STPG2: variants seen among roughly 807,000 people sequenced by gnomAD.
STPG2 encodes the protein sperm-tail PG-rich repeat-containing protein 2.
A neutral mutation model predicts 54.2 loss-of-function variants in STPG2; 56 were observed. That is an observed-to-expected ratio of 1.03 (90% CI 0.83 to 1.29). STPG2 has a LOEUF of 1.29. Ranked by LOEUF, STPG2 falls within the 50% of genes most tolerant of loss-of-function variation. The pLI, the probability that STPG2 is intolerant of heterozygous loss-of-function variation, is 0.00. For synonymous variants in STPG2, 200 were observed against 181.8 expected, an observed-to-expected ratio of 1.10 and a Z score of -0.81; for missense variants, 596 against 544.9, an observed-to-expected ratio of 1.09 and a Z score of -0.93.
chr4:97,769,834 A>G (rs1392452901), intron 9 of STPG2, among the ~76,000 whole-genome samples: 1 of 152,192 alleles, frequency 6.6e-6, no homozygotes, highest in Non-Finnish European at 1.5e-5. Flanking sequence ...GGATATGGAA[A>G]TGAACTAACC....
At chr4:97,977,766 C>T (rs769012165) in intron 6 of STPG2, among the ~76,000 whole-genome samples, 28 of 152,110 alleles carry the variant, frequency 1.8e-4, no homozygotes, top group African/African-American at 4.8e-4. Context: ...AACAATTATA[C>T]GAAGTGTATT....
chr4:97,953,651 C>T (rs1171118001), intron 7 of STPG2, among the ~76,000 whole-genome samples: 1 of 152,238 alleles, frequency 6.6e-6, no homozygotes, highest in African/African-American at 2.4e-5. Context: ...TTCCCCATTG[C>T]TCCTTAAATC....
At chr4:98,141,953 A>AAAC (rs1230036946) in intron 1 of STPG2, among the ~76,000 whole-genome samples, 1 of 151,676 alleles carries the variant, frequency 6.6e-6, no homozygotes, top group African/African-American at 2.4e-5. Flanking sequence ...AAAAAAAAAA[A>AAAC]AAAAAAAAAC....
chr4:97,861,507 A>C (rs941280531), intron 8 of STPG2, among the ~76,000 whole-genome samples: 2 of 152,118 alleles, frequency 1.3e-5, no homozygotes, highest in Non-Finnish European at 2.9e-5. Flanking sequence ...ATACCCATGT[A>C]ACCAAAAGAA....
intron 10 of STPG2, among the ~76,000 whole-genome samples, chr4:97,649,486 G>A (rs1459975519): frequency 6.6e-6 from 1 of 152,126 alleles, no homozygotes; most frequent in African/African-American, 2.4e-5. Context: ...TTAGAGGTAT[G>A]TAAAAGAGAT....
intron 9 of STPG2, among the ~76,000 whole-genome samples, chr4:97,756,939 C>T (rs1380615614): frequency 6.6e-6 from 1 of 152,078 alleles, no homozygotes; most frequent in Non-Finnish European, 1.5e-5. Flanking sequence ...CCCCTCTTTG[C>T]TATCAGCAAG....
chr4:97,736,049 G>C lies in STPG2; in HGVS notation c.1205-23235C>G, dbSNP rs534634687. Among the ~76,000 whole-genome samples, 6 of 152,308 alleles carry C rather than the reference G, an allele frequency of 3.9e-5. No homozygotes were observed. In the South Asian group the frequency reaches 8.3e-4, roughly 21 times the overall value. Reference sequence around the variant, plus strand: ...CCAAAAAGATAAAAGGTATGTGTTAGTGAGGGTGTGCAGAAAGGAGAACCC... The same window carrying C: ...CCAAAAAGATAAAAGGTATGTGTTACTGAGGGTGTGCAGAAAGGAGAACCC... On this transcript the variant is annotated intron_variant, in intron 9 of 10. Transcript: ENST00000295268.
chr4:98,015,606 G>C (rs532176296), intron 5 of STPG2, among the ~76,000 whole-genome samples: 42 of 152,288 alleles, frequency 2.8e-4, no homozygotes, highest in African/African-American at 9.6e-4. Flanking sequence ...TACACTGCTG[G>C]TGGGAGTGTA....
intron 8 of STPG2, among the ~76,000 whole-genome samples, chr4:97,918,793 A>C (rs1731985055): frequency 6.6e-6 from 1 of 152,122 alleles, no homozygotes; most frequent in Non-Finnish European, 1.5e-5. Context: ...CAAATGATAT[A>C]ATGAACTCTG....
chr4:98,126,494 G>A (rs1176058556), intron 3 of STPG2, among the ~76,000 whole-genome samples: 1 of 152,182 alleles, frequency 6.6e-6, no homozygotes, highest in Admixed American at 6.5e-5. Context: ...GGCTAGGGAA[G>A]GGAGCTCCCC....
chr4:97,785,753 A>G (rs1291571453), intron 9 of STPG2, among the ~76,000 whole-genome samples: 1 of 152,132 alleles, frequency 6.6e-6, no homozygotes, highest in Non-Finnish European at 1.5e-5. Context: ...TTTAGGTTAT[A>G]GAAATACTTT....
chr4:97,444,381 T>C (rs1465707244), intron 4 of STPG2, among the ~76,000 whole-genome samples: 1 of 152,032 alleles, frequency 6.6e-6, no homozygotes, highest in African/African-American at 2.4e-5. Flanking sequence ...TTTTAACGCA[T>C]AAAAAAGTTG....
intron 5 of STPG2, among the ~76,000 whole-genome samples, chr4:98,000,473 T>C (rs1735379831): frequency 6.6e-6 from 1 of 151,854 alleles, no homozygotes; most frequent in African/African-American, 2.4e-5. Context: ...TGATCTAACC[T>C]CATGATTGAT....
chr4:97,902,730 G>C (rs150404743), intron 8 of STPG2, among the ~76,000 whole-genome samples: 72 of 152,220 alleles, frequency 4.7e-4, no homozygotes, highest in African/African-American at 1.6e-3. Context: ...ATGGAAAACA[G>C]TATAGAGGCT....
intron 5 of STPG2, among the ~76,000 whole-genome samples, chr4:98,035,487 C>T (rs1212714689): frequency 6.6e-6 from 1 of 152,120 alleles, no homozygotes; most frequent in African/African-American, 2.4e-5. Context: ...AACGCTCTTC[C>T]ACTGTTGGTG....
intron 4 of STPG2, among the ~76,000 whole-genome samples, chr4:97,543,669 T>C (rs563499394): frequency 4.6e-5 from 7 of 152,146 alleles, no homozygotes; most frequent in Non-Finnish European, 8.8e-5. Flanking sequence ...AAATTATGTA[T>C]GATTTACTAA....
intron 4 of STPG2, among the ~76,000 whole-genome samples, chr4:97,515,276 C>T (rs1731052695): frequency 1.3e-5 from 2 of 151,966 alleles, no homozygotes; most frequent in African/African-American, 4.8e-5. Context: ...TTCCTTCTGG[C>T]TTTTCAGATT....
chr4:97,607,826 G>A (rs189633937), intron 10 of STPG2, among the ~76,000 whole-genome samples: 27 of 152,152 alleles, frequency 1.8e-4, no homozygotes, highest in Non-Finnish European at 1.3e-4. Context: ...AGTTGCTGCA[G>A]AGGAGAATAA....
intron 10 of STPG2, among the ~76,000 whole-genome samples, chr4:97,697,796 T>C (rs1723628329): frequency 6.6e-6 from 1 of 152,164 alleles, no homozygotes; most frequent in African/African-American, 2.4e-5. Context: ...GCTTAAGGTG[T>C]TCCTAAACCA....
Sources: allele counts gnomAD v4.1 joint callset (sites outside exome capture counted in the v4.1 genomes callset), GRCh38; gene constraint gnomAD v4.1.1; transcripts MANE v1.5; gene names NCBI Gene and HGNC (gene_info 2026-07-23, HGNC 2026-07-21).